Variants in PI4K2B observed in about 807,000 individuals in gnomAD.
PI4K2B encodes phosphatidylinositol 4-kinase type 2 beta, also known as phosphatidylinositol 4-kinase type 2-beta.
PI4K2B carries 46 observed loss-of-function variants against 56.6 expected under a neutral mutation model. The observed-to-expected ratio is 0.81, with a 90% CI of 0.64 to 1.04. The LOEUF is 1.04. PI4K2B is among the 50% of genes least tolerant of loss of function. The pLI is 0.00. For missense variants in PI4K2B, 556 were observed against 607.7 expected (o/e 0.91, Z 0.89); for synonymous variants, 211 against 223.8 (o/e 0.94, Z 0.51).
intron 7 of PI4K2B, among the ~76,000 whole-genome samples, chr4:25,264,607 C>G (rs1044328509): frequency 2.0e-5 from 3 of 152,162 alleles, no homozygotes; most frequent in Non-Finnish European, 2.9e-5. Flanking sequence ...CATGGTGGCT[C>G]ACACCTGTAA....
Position 25,252,369 on chromosome 4 carries a change from TTGCCGATATTA to T in PI4K2B, c.321_331del (p.Asp108GlufsTer29). The T allele has an allele frequency of 1.9e-6, 3 of 1,609,090 alleles. No homozygotes were observed. The highest frequency in any genetic ancestry group is 2.6e-6 in the Non-Finnish European group (3 of 1,175,440). On this transcript the variant is annotated frameshift_variant, in exon 2 of 10. Coordinates refer to ENST00000264864, the MANE Select transcript of PI4K2B (RefSeq NM_018323.4). LOFTEE classifies it high-confidence loss of function. ...AATGCATTCTTGGATGACCCAGAAT[TTGCCGATATTA>T]TGCTGAGAGCAGAGCAAGCAATAGA...
At chr4:25,238,365 A>C (rs972354681) in intron 1 of PI4K2B, among the ~76,000 whole-genome samples, 1 of 152,226 alleles carries the variant, frequency 6.6e-6, no homozygotes, top group Admixed American at 6.5e-5. Context: ...GATTAATTTC[A>C]TAAAGGTAGT....
At position 25,249,023 on chromosome 4, in the gene PI4K2B, T is replaced by C. The variant is rs11731862; in HGVS notation, c.269-3298T>C. ...GGGAGTGGTGATGACTCTTAACGAG[T>C]ATGCTGCCTTCAAGCATCTGTTTAA... On this transcript the variant is annotated intron_variant, in intron 1 of 9. Coordinates refer to ENST00000264864, the MANE Select transcript of PI4K2B (RefSeq NM_018323.4). Among the ~76,000 whole-genome samples the C allele has an allele frequency of 0.014, 2,178 of 152,174 alleles. 125 individuals carry two copies. In the East Asian group the frequency reaches 0.18, roughly 13 times the overall value.
At chr4:25,255,016 T>A (rs1419074373) in intron 2 of PI4K2B, 49 bp from the exon 3 acceptor site, 2 of 1,216,070 alleles carry the variant, frequency 1.6e-6, no homozygotes, top group Non-Finnish European at 2.4e-6. Context: ...TATGGATGAT[T>A]ATCTATATAT....
In PI4K2B at chr4:25,278,857, T is replaced by G. The variant is rs1047855851; in HGVS notation, c.*1670T>G. On this transcript the variant is annotated 3_prime_UTR_variant, in exon 10 of 10. Transcript: ENST00000264864. ...AATGGAAAACTTAATAAATTGCTAC[T>G]GTTTTATATCATAAAATTAAAATAC... 1 of 152,650 alleles carries G rather than the reference T, an allele frequency of 6.6e-6. No individual in the cohort carries two copies. Among genetic ancestry groups the G allele is most frequent in the African/African-American group, 2.4e-5 (1 of 41,450 alleles). 9.5% of individuals were successfully genotyped at this position (152,650 alleles called of 1,614,324 possible). A position where few individuals can be genotyped will look rare whatever the true frequency, so the allele number is the denominator to read the frequency against.
At chr4:25,269,256 G>A (rs1304018783) in intron 9 of PI4K2B, 53 bp downstream of exon 9, 5 of 980,232 alleles carry the variant, frequency 5.1e-6, no homozygotes, top group Non-Finnish European at 3.3e-6. Context: ...TGAAACAGTA[G>A]TCAACTGTTT....
At chr4:25,236,204 CAAAA>C (rs1186623550) in intron 1 of PI4K2B, among the ~76,000 whole-genome samples, 5 of 128,248 alleles carry the variant, frequency 3.9e-5, no homozygotes, top group Non-Finnish European at 8.0e-5. Flanking sequence ...GACTCTGTCT[CAAAA>C]ATAAATAAAT....
chr4:25,279,202 C>CTTTTT (rs11346220), exon 10 of PI4K2B: 22 of 97,942 alleles, frequency 2.2e-4, no homozygotes, highest in Admixed American at 4.1e-4. Flanking sequence ...TAGTTTAATT[C>CTTTTT]TTTTTTTTTT....
chr4:25,260,869 ATTTTT>A (rs60224286), intron 6 of PI4K2B, among the ~76,000 whole-genome samples: 1 of 105,516 alleles, frequency 9.5e-6, no homozygotes. Context: ...TTGATTCTTG[ATTTTT>A]TTTTTTTTTT....
chr4:25,239,780 C>G (rs1280644440), intron 1 of PI4K2B, among the ~76,000 whole-genome samples: 1 of 152,242 alleles, frequency 6.6e-6, no homozygotes, highest in Non-Finnish European at 1.5e-5. Context: ...GGGCTACCAG[C>G]ACACTGTCAC....
At chr4:25,246,783 A>C (rs2109090542) in intron 1 of PI4K2B, among the ~76,000 whole-genome samples, 1 of 152,296 alleles carries the variant, frequency 6.6e-6, no homozygotes, top group Admixed American at 6.5e-5. Context: ...GGAGGCAGCT[A>C]AGGCCCTGCG....
chr4:25,252,742 A>C (rs1236980893), intron 2 of PI4K2B, among the ~76,000 whole-genome samples: 1 of 152,134 alleles, frequency 6.6e-6, no homozygotes, highest in Non-Finnish European at 1.5e-5. Context: ...CCTCCCAAGT[A>C]GGTGGGACCA....
intron 1 of PI4K2B, among the ~76,000 whole-genome samples, chr4:25,236,629 A>G (rs1715274221): frequency 6.6e-6 from 1 of 152,246 alleles, no homozygotes; most frequent in South Asian, 2.1e-4. Flanking sequence ...ATGAGGATTC[A>G]GAATTAATAA....
intron 1 of PI4K2B, among the ~76,000 whole-genome samples, chr4:25,246,600 TGCCA>T (rs1442634876): frequency 1.3e-5 from 2 of 152,254 alleles, no homozygotes; most frequent in East Asian, 3.8e-4. Flanking sequence ...TGGAGCTGCC[TGCCA>T]GTCCCACGCC....
intron 4 of PI4K2B, 129 bp downstream of exon 4, chr4:25,256,803 G>A (rs937836441): frequency 9.7e-6 from 8 of 821,598 alleles, no homozygotes; most frequent in Non-Finnish European, 1.5e-5. Flanking sequence ...GGAGCTTATA[G>A]TAAACAGGTA....
At chr4:25,267,131 A>T (rs887452492) in intron 7 of PI4K2B, among the ~76,000 whole-genome samples, 3 of 152,240 alleles carry the variant, frequency 2.0e-5, no homozygotes, top group African/African-American at 7.2e-5. Flanking sequence ...GAGATTAGGT[A>T]GCATGACAAC....
intron 6 of PI4K2B, among the ~76,000 whole-genome samples, chr4:25,261,074 A>AT (rs1316071812): frequency 6.6e-6 from 1 of 152,050 alleles, no homozygotes; most frequent in East Asian, 1.9e-4. Flanking sequence ...GAATAGAAGA[A>AT]TAATACCTGC....
intron 9 of PI4K2B, among the ~76,000 whole-genome samples, chr4:25,270,803 TATAA>T: frequency 6.6e-6 from 1 of 152,354 alleles, no homozygotes; most frequent in African/African-American, 2.4e-5. Flanking sequence ...AAGCTTGAAA[TATAA>T]ATAAATTATA....
chr4:25,245,394 A>C (rs1715717349), intron 1 of PI4K2B, among the ~76,000 whole-genome samples: 1 of 152,098 alleles, frequency 6.6e-6, no homozygotes, highest in South Asian at 2.1e-4. Context: ...AGATGGGCAA[A>C]TCTCGCTTGG....
Sources: allele counts gnomAD v4.1 joint callset (sites outside exome capture counted in the v4.1 genomes callset), GRCh38; gene constraint gnomAD v4.1.1; transcripts MANE v1.5; gene names NCBI Gene and HGNC (gene_info 2026-07-23, HGNC 2026-07-21).